CAMKMT: variants seen among roughly 807,000 people sequenced by gnomAD.
The protein encoded by CAMKMT is calmodulin-lysine N-methyltransferase.
CAMKMT carries 53 observed loss-of-function variants against 48.0 expected under a neutral mutation model. The observed-to-expected ratio is 1.10, with a 90% CI of 0.89 to 1.39. The LOEUF (loss-of-function observed/expected upper bound fraction) is 1.39. CAMKMT is among the 40% of genes most tolerant of loss of function. The pLI, the probability that CAMKMT is intolerant of heterozygous loss-of-function variation, is 0.00. For missense variants in CAMKMT, 428 were observed against 402.7 expected, an observed-to-expected ratio of 1.06 and a Z score of -0.54; for synonymous variants, 165 against 152.3, an observed-to-expected ratio of 1.08 and a Z score of -0.61.
chr2:44,372,842 G>C lies in CAMKMT; in HGVS notation c.265G>C (p.Val89Leu). The change falls in exon 2 of 11, where the codon GTC becomes CTC. Residue 89 changes from valine (V) to leucine (L), a missense_variant. Physicochemically the swap from Val to Leu is conservative, Grantham distance 32. Coordinates refer to ENST00000378494, the MANE Select transcript of CAMKMT (RefSeq NM_024766.5). ...RETEEEVGAWVQYTSIFCPEY... is the reference protein window; with the variant it reads ...RETEEEVGAWLQYTSIFCPEY... ...AACTGAAGAGGAGGTTGGTGCATGGGTCCAATATACAAGCATCTTCTGTCC... is the reference window on the plus strand; with the variant it reads ...AACTGAAGAGGAGGTTGGTGCATGGCTCCAATATACAAGCATCTTCTGTCC... 1 of 1,613,864 alleles carries C rather than the reference G, an allele frequency of 6.2e-7. No homozygotes were observed. The highest frequency in any genetic ancestry group is 8.5e-7 in the Non-Finnish European group (1 of 1,179,874).
intron 3 of CAMKMT, among the ~76,000 whole-genome samples, chr2:44,638,284 T>G (rs939773799): frequency 5.3e-5 from 8 of 152,316 alleles, no homozygotes; most frequent in Admixed American, 5.2e-4. Flanking sequence ...TCAGTTAATA[T>G]TTCTCAGTTT....
At chr2:44,457,175 A>G (rs1233868985) in intron 3 of CAMKMT, 2 of 152,166 alleles carry the variant, frequency 1.3e-5, no homozygotes, top group African/African-American at 2.4e-5. Flanking sequence ...GGAAATAACC[A>G]CAATGACTAA....
intron 2 of CAMKMT, among the ~76,000 whole-genome samples, chr2:44,389,216 T>C (rs374446147): frequency 1.1e-4 from 16 of 152,182 alleles, no homozygotes; most frequent in African/African-American, 3.9e-4. Flanking sequence ...AGATTCCCAA[T>C]ACCTCCTCTT....
intron 3 of CAMKMT, among the ~76,000 whole-genome samples, chr2:44,646,337 A>C (rs1290913840): frequency 2.0e-5 from 3 of 151,942 alleles, no homozygotes; most frequent in African/African-American, 7.3e-5. Context: ...TTTTTTCAAA[A>C]ACAATATTGA....
chr2:44,740,372 C>T (rs1446489812), intron 7 of CAMKMT, among the ~76,000 whole-genome samples: 6 of 152,058 alleles, frequency 3.9e-5, no homozygotes, highest in African/African-American at 1.4e-4. Context: ...TTAAGCAATC[C>T]ACCCGCTTCG....
intron 3 of CAMKMT, among the ~76,000 whole-genome samples, chr2:44,516,465 G>A (rs1029605625): frequency 6.6e-6 from 1 of 152,000 alleles, no homozygotes; most frequent in African/African-American, 2.4e-5. Context: ...ACTAAGGGAA[G>A]CTTCTTTTTT....
chr2:44,719,565 A>C (rs1678353293), intron 7 of CAMKMT, among the ~76,000 whole-genome samples: 1 of 152,174 alleles, frequency 6.6e-6, no homozygotes, highest in Non-Finnish European at 1.5e-5. Context: ...CCCTGAAGCA[A>C]TTAGTACACT....
intron 3 of CAMKMT, among the ~76,000 whole-genome samples, chr2:44,488,548 A>G (rs1669322179): frequency 6.6e-6 from 1 of 152,010 alleles, no homozygotes; most frequent in Non-Finnish European, 1.5e-5. Context: ...ATTTGTATAC[A>G]GAAATTAGCC....
intron 6 of CAMKMT, among the ~76,000 whole-genome samples, chr2:44,712,414 A>T (rs1035571311): frequency 2.0e-5 from 3 of 152,142 alleles, no homozygotes; most frequent in Non-Finnish European, 2.9e-5. Flanking sequence ...TTTTAACAAT[A>T]TGATGCATAC....
intron 3 of CAMKMT, chr2:44,631,786 C>A: frequency 2.9e-6 from 1 of 347,382 alleles, no homozygotes; most frequent in Non-Finnish European, 5.1e-6. Context: ...CTTTTTACCT[C>A]TTTCCTGTCT....
At position 44,772,331 on chromosome 2, in the gene CAMKMT, G is replaced by C. The variant is rs541617503; in HGVS notation, c.*218G>C. On this transcript the variant is annotated 3_prime_UTR_variant, in exon 11 of 11. Coordinates refer to ENST00000378494, the MANE Select transcript of CAMKMT (RefSeq NM_024766.5). ...TTACACTCTGCTTGTTGCTCGTCCT[G>C]CCCTAAACCTTTGTTTGTCTTTAAA... The C allele has an allele frequency of 2.2e-5, 10 of 454,854 alleles. No homozygotes were observed. The highest frequency in any genetic ancestry group is 2.0e-4 in the African/African-American group (10 of 50,464). 28.2% of individuals were successfully genotyped at this position (454,854 alleles called of 1,614,324 possible).
chr2:44,728,553 C>CT (rs1451183015), intron 7 of CAMKMT, among the ~76,000 whole-genome samples: 1 of 151,596 alleles, frequency 6.6e-6, no homozygotes, highest in Non-Finnish European at 1.5e-5. Context: ...TGGTCCAGGG[C>CT]TTTTTTTTGT....
At chr2:44,706,912 C>T (rs1173050928) in intron 5 of CAMKMT, among the ~76,000 whole-genome samples, 1 of 152,070 alleles carries the variant, frequency 6.6e-6, no homozygotes, top group Non-Finnish European at 1.5e-5. Context: ...CACTGATTGG[C>T]ATTTGACAAA....
At chr2:44,384,603 T>G (rs1680594348) in intron 2 of CAMKMT, among the ~76,000 whole-genome samples, 1 of 151,646 alleles carries the variant, frequency 6.6e-6, no homozygotes. Flanking sequence ...TCTTCTAGAA[T>G]TTTGATAGTT....
intron 3 of CAMKMT, among the ~76,000 whole-genome samples, chr2:44,664,254 G>A (rs1400654562): frequency 6.6e-6 from 1 of 152,194 alleles, no homozygotes; most frequent in East Asian, 1.9e-4. Flanking sequence ...ATACTTTTAT[G>A]ATCTATAAAA....
At chr2:44,689,815 G>C (rs1676542082) in intron 3 of CAMKMT, among the ~76,000 whole-genome samples, 1 of 152,188 alleles carries the variant, frequency 6.6e-6, no homozygotes, top group African/African-American at 2.4e-5. Context: ...CCTGTGCTTT[G>C]AGACCTCAGG....
intron 3 of CAMKMT, among the ~76,000 whole-genome samples, chr2:44,677,501 T>A (rs1216092597): frequency 1.3e-5 from 2 of 152,140 alleles, no homozygotes; most frequent in Admixed American, 6.5e-5. Flanking sequence ...TCCAGCCACA[T>A]TGGAGATAGG....
At chr2:44,652,902 C>A (rs1468122039) in intron 3 of CAMKMT, among the ~76,000 whole-genome samples, 1 of 152,186 alleles carries the variant, frequency 6.6e-6, no homozygotes, top group Non-Finnish European at 1.5e-5. Flanking sequence ...TGTGGATTAT[C>A]CAGGCCATAT....
chr2:44,489,449 T>C (rs555197019), intron 3 of CAMKMT, among the ~76,000 whole-genome samples: 17 of 152,212 alleles, frequency 1.1e-4, no homozygotes, highest in Middle Eastern at 3.4e-3. Flanking sequence ...TTTCACCATG[T>C]TGGTCAGGCT....
Sources: allele counts gnomAD v4.1 joint callset (sites outside exome capture counted in the v4.1 genomes callset), GRCh38; gene constraint gnomAD v4.1.1; transcripts MANE v1.5; gene names NCBI Gene and HGNC (gene_info 2026-07-23, HGNC 2026-07-21).